The following CDH12 variants were observed in gnomAD, a reference collection of about 807,000 sequenced individuals.
The protein encoded by CDH12 is cadherin 12.
A neutral mutation model predicts 74.1 loss-of-function variants in CDH12; 41 were observed. The observed-to-expected ratio is 0.55, with a 90% CI of 0.43 to 0.72. CDH12 has a LOEUF of 0.72. Among genes scored for constraint, CDH12 ranks in the 30% least tolerant of loss-of-function variants. The probability of loss-of-function intolerance (pLI) is 0.00; values close to 1 mark genes in which losing one functional copy is unlikely to be tolerated. For synonymous variants in CDH12, 399 were observed against 355.0 expected (o/e 1.12, Z -1.39); for missense variants, 945 against 977.2 (o/e 0.97, Z 0.44).
At chr5:21,932,878 T>C (rs548344595) in intron 6 of CDH12, among the ~76,000 whole-genome samples, 88 of 151,024 alleles carry the variant, frequency 5.8e-4, no homozygotes, top group Admixed American at 1.6e-3. Context: ...TTAAAACATG[T>C]ACATTGCCAT....
intron 1 of CDH12, among the ~76,000 whole-genome samples, chr5:22,692,819 T>A (rs1742154819): frequency 6.7e-6 from 1 of 149,318 alleles, no homozygotes. Flanking sequence ...CTTACCTTTT[T>A]TTTTCCTGAA....
intron 1 of CDH12, among the ~76,000 whole-genome samples, chr5:22,533,409 CTG>C (rs772173531): frequency 6.6e-6 from 1 of 152,140 alleles, no homozygotes; most frequent in Non-Finnish European, 1.5e-5. Context: ...AAAAAATTCT[CTG>C]TAGTTTTGAA....
chr5:21,969,734 A>C (rs1275253097), intron 6 of CDH12, among the ~76,000 whole-genome samples: 1 of 152,244 alleles, frequency 6.6e-6, no homozygotes, highest in Non-Finnish European at 1.5e-5. Flanking sequence ...CTAAGGTTTT[A>C]GCTAATGTAT....
At chr5:21,970,963 A>G (rs1046834815) in intron 6 of CDH12, among the ~76,000 whole-genome samples, 1 of 151,792 alleles carries the variant, frequency 6.6e-6, no homozygotes, top group African/African-American at 2.4e-5. Context: ...CTTCATGTAA[A>G]ATAAAATAGA....
intron 1 of CDH12, among the ~76,000 whole-genome samples, chr5:22,584,282 C>T (rs192277656): frequency 2.5e-3 from 376 of 151,934 alleles, no homozygotes; most frequent in African/African-American, 7.2e-3. Flanking sequence ...GTACTTTTAG[C>T]AGAGACGGGG....
intron 4 of CDH12, among the ~76,000 whole-genome samples, chr5:22,151,675 C>G (rs548303173): frequency 3.3e-5 from 5 of 152,052 alleles, no homozygotes; most frequent in Admixed American, 1.3e-4. Context: ...TAATTTTCCC[C>G]TCAGAAGCAA....
intron 1 of CDH12, among the ~76,000 whole-genome samples, chr5:22,579,330 T>G (rs1052908631): frequency 6.6e-6 from 1 of 152,172 alleles, no homozygotes; most frequent in African/African-American, 2.4e-5. Context: ...AACAATTGAT[T>G]TGACTTGGAA....
Position 21,859,249 on chromosome 5 carries a change from G to C in CDH12, c.527-4459C>G, listed in dbSNP as rs565452575. Among the ~76,000 whole-genome samples the C allele has an allele frequency of 3.3e-5, 5 of 152,038 alleles. No homozygotes were observed. In the East Asian group the frequency reaches 9.7e-4, roughly 30 times the overall value. ...TTGACTCATAGTTGAGTATGGCTGG[G>C]AAGCCCTCAGGAAACTTACAATCAG... is the stretch of plus-strand genomic sequence containing the variant. On this transcript the variant is annotated intron_variant, in intron 6 of 14. Coordinates refer to ENST00000382254, the MANE Select transcript of CDH12 (RefSeq NM_004061.5).
At chr5:21,900,046 G>A (rs1403387231) in intron 6 of CDH12, among the ~76,000 whole-genome samples, 1 of 152,074 alleles carries the variant, frequency 6.6e-6, no homozygotes, top group Non-Finnish European at 1.5e-5. Context: ...TACATAGATA[G>A]TTACAGGTAC....
chr5:22,562,258 A>C (rs1176727286), intron 1 of CDH12, among the ~76,000 whole-genome samples: 1 of 152,072 alleles, frequency 6.6e-6, no homozygotes, highest in Non-Finnish European at 1.5e-5. Context: ...TGGAGCTGGC[A>C]GTGAGCCGAG....
At chr5:22,218,292 A>T (rs971011918) in intron 3 of CDH12, among the ~76,000 whole-genome samples, 2 of 151,716 alleles carry the variant, frequency 1.3e-5, no homozygotes, top group Non-Finnish European at 3.0e-5. Context: ...ACAACTAGAC[A>T]CAAATGACTG....
chr5:22,042,016 C>T (rs10037716), intron 5 of CDH12, among the ~76,000 whole-genome samples: 53,601 of 151,892 alleles, frequency 0.35, 12,341 homozygotes, highest in African/African-American at 0.66. Context: ...TCAGAAACCA[C>T]ACCAATACAC....
At chr5:22,089,201 C>A (rs1240014074) in intron 4 of CDH12, among the ~76,000 whole-genome samples, 1 of 152,140 alleles carries the variant, frequency 6.6e-6, no homozygotes, top group East Asian at 1.9e-4. Flanking sequence ...TCATCCAATT[C>A]ACTAAGAGAT....
intron 6 of CDH12, among the ~76,000 whole-genome samples, chr5:21,892,850 G>A (rs1026693432): frequency 4.1e-4 from 62 of 152,088 alleles, no homozygotes; most frequent in Non-Finnish European, 6.2e-4. Context: ...CTTGATCTAA[G>A]TATTGACTCA....
At chr5:22,674,357 T>A (rs1741058040) in intron 1 of CDH12, among the ~76,000 whole-genome samples, 2 of 152,192 alleles carry the variant, frequency 1.3e-5, no homozygotes, top group African/African-American at 4.8e-5. Flanking sequence ...TCTTCTCTTG[T>A]CTGCCACCAT....
intron 8 of CDH12, among the ~76,000 whole-genome samples, chr5:21,824,116 A>C (rs548139591): frequency 6.6e-6 from 1 of 152,204 alleles, no homozygotes; most frequent in East Asian, 1.9e-4. Flanking sequence ...TGGCCACCCC[A>C]CCCACGTCCA....
intron 1 of CDH12, among the ~76,000 whole-genome samples, chr5:22,827,017 G>T (rs1736371375): frequency 1.3e-5 from 2 of 152,188 alleles, no homozygotes. Flanking sequence ...TCCAGAACAT[G>T]TAAGAGACCT....
chr5:22,515,677 A>T (rs970235642), intron 1 of CDH12, among the ~76,000 whole-genome samples: 6 of 152,120 alleles, frequency 3.9e-5, no homozygotes, highest in African/African-American at 1.4e-4. Flanking sequence ...ACTATTTGAT[A>T]TGTAGTAATG....
intron 1 of CDH12, among the ~76,000 whole-genome samples, chr5:22,666,827 A>G (rs1246132355): frequency 6.6e-6 from 1 of 152,162 alleles, no homozygotes; most frequent in African/African-American, 2.4e-5. Flanking sequence ...ATGCAAACTA[A>G]ATTGATGTTT....
Sources: gnomAD v4.1 joint callset for allele counts (sites outside exome capture counted in the v4.1 genomes callset) on GRCh38, gnomAD v4.1.1 for gene constraint, MANE v1.5 for transcripts, NCBI Gene and HGNC (gene_info 2026-07-23, HGNC 2026-07-21) for gene names.